RAPGEF3: variants seen among roughly 807,000 people sequenced by gnomAD.
RAPGEF3 encodes 9330170P05Rik.
A neutral mutation model predicts 129.8 loss-of-function variants in RAPGEF3; 103 were observed. The observed-to-expected ratio is 0.79, with a 90% CI of 0.68 to 0.93. RAPGEF3 has a LOEUF of 0.93. RAPGEF3 is among the 40% of genes least tolerant of loss of function. The pLI, the probability that RAPGEF3 is intolerant of heterozygous loss-of-function variation, is 0.00. For missense variants in RAPGEF3, 1,117 were observed against 1,207.4 expected, an observed-to-expected ratio of 0.93 and a Z score of 1.11; for synonymous variants, 436 against 482.6, an observed-to-expected ratio of 0.90 and a Z score of 1.26.
chr12:47,758,225 A>G, intron 1 of RAPGEF3, 147 bp from the exon 2 acceptor site: 3 of 1,434,938 alleles, frequency 2.1e-6, no homozygotes, highest in Non-Finnish European at 2.7e-6. Flanking sequence ...AGCTGGGGGG[A>G]GGAACAGGAA....
chr12:47,748,050 A>G, intron 13 of RAPGEF3, 24 bp downstream of exon 13: 2 of 1,562,878 alleles, frequency 1.3e-6, no homozygotes, highest in South Asian at 2.3e-5. Context: ...CATGCACACC[A>G]TCCCCCTGGA....
At chr12:47,755,338 C>T (rs1941990879) in intron 2 of RAPGEF3, among the ~76,000 whole-genome samples, 1 of 152,136 alleles carries the variant, frequency 6.6e-6, no homozygotes, top group Admixed American at 6.5e-5. Flanking sequence ...AAAGGCAAAC[C>T]TCTTTCAATA....
rs767963161 is a variant in RAPGEF3 at position 47,749,401 on chromosome 12, G to A, written c.1030C>T (p.Arg344Cys). ...CCCAGCAGCAGCACCTTGATGATAC[G>A]GTTGAAGTCCTGCTTGTCCACACGC... The part of the protein sequence containing the change: ...FLRVDKQDFN[R>C]IIKDVEAKTM... Residue 344 changes from arginine to cysteine, a missense_variant, in exon 10 of 28, where the codon CGT becomes TGT. Around this residue, in one of 3 missense-constraint regions of RAPGEF3, gnomAD observed 107 missense variants for 160.7 expected, o/e 0.67. Transcript: ENST00000449771. The surrounding 1 kb of genome is among the most constrained non-coding windows in gnomAD (Gnocchi z 4.5). The A allele has an allele frequency of 2.9e-5, 46 of 1,612,446 alleles. No individual in the cohort carries two copies. Among genetic ancestry groups the A allele is most frequent in the East Asian group, 8.9e-5 (4 of 44,886 alleles).
At chr12:47,758,375 C>T in intron 1 of RAPGEF3, 176 bp downstream of exon 1, 6 of 1,490,698 alleles carry the variant, frequency 4.0e-6, no homozygotes, top group Non-Finnish European at 5.4e-6. Context: ...CCACTACCTC[C>T]CAGTATGAAG....
At chr12:47,743,258 C>T (rs577936667) in intron 18 of RAPGEF3, among the ~76,000 whole-genome samples, 2 of 152,326 alleles carry the variant, frequency 1.3e-5, no homozygotes, top group East Asian at 3.9e-4. Flanking sequence ...AAACTGAGCA[C>T]AGAGGGATGA....
intron 2 of RAPGEF3, among the ~76,000 whole-genome samples, chr12:47,757,526 G>C (rs1027425663): frequency 6.6e-6 from 1 of 152,010 alleles, no homozygotes; most frequent in East Asian, 1.9e-4. Flanking sequence ...CCATTGACCC[G>C]GCCCCCATAC....
At chr12:47,746,553 C>A in intron 16 of RAPGEF3, 1 of 668,464 alleles carries the variant, frequency 1.5e-6, no homozygotes. Context: ...GGGCCAACTC[C>A]AGCCACCATT....
intron 16 of RAPGEF3, chr12:47,744,463 G>A: frequency 4.6e-6 from 1 of 215,352 alleles, no homozygotes; most frequent in Non-Finnish European, 9.4e-6. Context: ...TTTGACAAAA[G>A]TATTATTTTT....
intron 12 of RAPGEF3, 103 bp from the exon 13 acceptor site, chr12:47,748,255 T>G: frequency 9.2e-7 from 1 of 1,086,022 alleles, no homozygotes; most frequent in Non-Finnish European, 1.3e-6. Flanking sequence ...TCCCACCACC[T>G]GCAAGGTCCC....
intron 18 of RAPGEF3, 96 bp from the exon 19 acceptor site, chr12:47,741,698 G>T: frequency 9.6e-7 from 1 of 1,045,740 alleles, no homozygotes; most frequent in Non-Finnish European, 1.5e-6. Context: ...GAGGCTGAGA[G>T]GTTGTTTCTC....
Position 47,738,210 on chromosome 12 carries a change from C to A in RAPGEF3, c.2564G>T (p.Cys855Phe). ...CCTCTCACCAGGGTTGTGGCTTCGG[C>A]AGTGGTGCAGCATCCGCGCGGCTCT... ...MARAARMLHH[C>F]RSHNPVPLSP... The change falls in exon 26 of 28, where the codon TGC becomes TTC. Residue 855 changes from cysteine to phenylalanine, a missense_variant. Cys to Phe is a radical substitution (Grantham distance 205, BLOSUM62 -2). This residue lies in a region of RAPGEF3 where 643 missense variants were observed against 673.4 expected (regional missense o/e 0.95). Transcript: ENST00000449771. 6.2e-7 allele frequency: 1 copy of A among 1,613,788 alleles called. No individual in the cohort carries two copies. Among genetic ancestry groups the A allele is most frequent in the Admixed American group, 1.7e-5 (1 of 60,024 alleles).
At chr12:47,750,947 C>T (rs1941704601) in intron 6 of RAPGEF3, 101 bp downstream of exon 6, 2 of 1,489,630 alleles carry the variant, frequency 1.3e-6, no homozygotes, top group Admixed American at 2.4e-5. Context: ...CCCTTCCCTC[C>T]ACAACAGGTA....
chr12:47,749,759 G>T lies in RAPGEF3; in HGVS notation c.876C>A (p.Asn292Lys), dbSNP rs999546162. The T allele has an allele frequency of 8.1e-6, 13 of 1,614,218 alleles. No individual in the cohort carries two copies. The Admixed American group carries it at 8.3e-5, about 10-fold the overall frequency. Residue 292 changes from asparagine (N) to lysine (K), a missense_variant, in exon 9 of 28, where the codon AAC (asparagine) becomes AAA (lysine). Around this residue, in one of 3 missense-constraint regions of RAPGEF3, gnomAD observed 107 missense variants for 160.7 expected, o/e 0.67. Coordinates refer to ENST00000449771, the MANE Select transcript of RAPGEF3 (RefSeq NM_001098531.4). This position sits in a 1 kb window ranked among gnomAD's most constrained non-coding sequence, Gnocchi z 4.5. ...GGCTCACCTTGCCATGGGTCACCAC[G>T]TTGACAGATCCCTTCCAGATAATGT... ...SWYIIWKGSV[N>K]VVTHGKGLVT...
At position 47,740,546 on chromosome 12, in the gene RAPGEF3, TG is replaced by T. The variant is rs1470604912; in HGVS notation, c.2231+95del. On this transcript the variant is annotated intron_variant, in intron 21 of 27. Transcript: ENST00000449771. ...CAGGGGACCCAGGGAACAAATAGGG[TG>T]GCAGATTTGGCAACATACTAAGCAA... The T allele has an allele frequency of 8.0e-6, 12 of 1,509,338 alleles. No individual in the cohort carries two copies. In the East Asian group the frequency reaches 2.3e-4, roughly 29 times the overall value. 93.5% of individuals were successfully genotyped at this position (1,509,338 alleles called of 1,614,324 possible).
rs1284619016 is a variant in RAPGEF3 at position 47,735,136 on chromosome 12, T to C, written c.*2431A>G. ...CCCGGTAGGACACACACGCAGCCAT[T>C]CCTCTCTGCTTGACCTCCTTTCAGG... On this transcript the variant is annotated 3_prime_UTR_variant, in exon 28 of 28. Transcript: ENST00000449771. 1.3e-5 allele frequency: 2 copies of C among 152,184 alleles called. No individual in the cohort carries two copies. Among genetic ancestry groups the C allele is most frequent in the Non-Finnish European group, 2.9e-5 (2 of 68,090 alleles). The allele number at this position is 152,184 out of a possible 1,614,324, so 9.4% of individuals were successfully genotyped here. A position where few individuals can be genotyped will look rare whatever the true frequency, so the allele number is the denominator to read the frequency against.
At chr12:47,747,203 A>C (rs1363901582) in intron 15 of RAPGEF3, among the ~76,000 whole-genome samples, 3 of 152,204 alleles carry the variant, frequency 2.0e-5, no homozygotes, top group African/African-American at 7.2e-5. Flanking sequence ...CCGTGGGAAT[A>C]TCTGCAAAGG....
At position 47,747,600 on chromosome 12, in the gene RAPGEF3, G is replaced by A; in HGVS notation, c.1500C>T (p.Asp500=). ...CCCTCAGCAGGTTGCTGAGTCGGGTGTCCCTGCCCACCAGGTCTGAGAGTT... is the reference window on the plus strand; with the variant it reads ...CCCTCAGCAGGTTGCTGAGTCGGGTATCCCTGCCCACCAGGTCTGAGAGTT... ...LQKLSDLVGR[D]TRLSNLLREQ... is the part of the protein sequence containing the mutation. Residue 500 remains aspartate (D), a synonymous_variant, in exon 15 of 28, where the codon GAC becomes GAT. Transcript: ENST00000449771. 1 of 1,614,090 alleles carries A rather than the reference G, an allele frequency of 6.2e-7. No homozygotes were observed. Among genetic ancestry groups the A allele is most frequent in the Admixed American group, 1.7e-5 (1 of 60,034 alleles).
chr12:47,743,782 G>T, intron 17 of RAPGEF3, 106 bp from the exon 18 acceptor site: 1 of 1,486,380 alleles, frequency 6.7e-7, no homozygotes, highest in Non-Finnish European at 9.2e-7. Flanking sequence ...CCAAGAGGCT[G>T]AGCTGCAGGT....
intron 18 of RAPGEF3, 55 bp from the exon 19 acceptor site, chr12:47,741,657 A>C: frequency 1.4e-6 from 2 of 1,440,912 alleles, no homozygotes; most frequent in Middle Eastern, 1.8e-4. Context: ...GCCGGGGACC[A>C]GCTGGATGCC....
Sources: gnomAD v4.1 joint callset for allele counts (sites outside exome capture counted in the v4.1 genomes callset) on GRCh38, gnomAD v4.1.1 for gene constraint, gnomAD v4.1.1 regional missense constraint, Gnocchi (gnomAD v3.1) non-coding constraint, MANE v1.5 for transcripts, NCBI Gene and HGNC (gene_info 2026-07-23, HGNC 2026-07-21) for gene names.